The following STARD13 variants were observed in gnomAD, a reference collection of about 807,000 sequenced individuals.
STARD13 encodes the protein stAR-related lipid transfer protein 13.
A neutral mutation model predicts 106.4 loss-of-function variants in STARD13; 62 were observed. The ratio of observed to expected loss-of-function variants is 0.58; its 90% CI spans 0.48 to 0.72. STARD13 has a LOEUF of 0.72. STARD13 is among the 30% of genes least tolerant of loss of function. STARD13 has a pLI of 0.00. For synonymous variants in STARD13, 565 were observed against 553.0 expected (o/e 1.02, Z -0.31); for missense variants, 1,387 against 1,424.0 (o/e 0.97, Z 0.42).
At chr13:33,543,162 T>C in the STARD13 span, among the ~76,000 whole-genome samples, 1 of 152,338 alleles carries the variant, frequency 6.6e-6, no homozygotes, top group East Asian at 1.9e-4. Context: ...TTCTTTAATC[T>C]TTGAGGACTG....
At chr13:33,216,754 C>A (rs1293633128) in intron 1 of STARD13, among the ~76,000 whole-genome samples, 1 of 152,090 alleles carries the variant, frequency 6.6e-6, no homozygotes, top group Non-Finnish European at 1.5e-5. Context: ...TAACATTTGA[C>A]CATATGTATA....
At chr13:33,153,505 C>T (rs1387141679) in intron 3 of STARD13, among the ~76,000 whole-genome samples, 1 of 152,104 alleles carries the variant, frequency 6.6e-6, no homozygotes, top group South Asian at 2.1e-4. Flanking sequence ...AGCCTGTGTG[C>T]CCTGAGTATT....
At chr13:33,186,477 A>G (rs1885780591) in intron 1 of STARD13, among the ~76,000 whole-genome samples, 2 of 152,228 alleles carry the variant, frequency 1.3e-5, no homozygotes, top group South Asian at 4.1e-4. Flanking sequence ...GACCATAAAT[A>G]CAGTTTTAAA....
At chr13:33,398,215 T>C in the STARD13 span, among the ~76,000 whole-genome samples, 1 of 152,228 alleles carries the variant, frequency 6.6e-6, no homozygotes, top group Admixed American at 6.5e-5. Context: ...AGTCTTGCAG[T>C]CAGCCTTAGG....
At chr13:33,597,157 A>T in the STARD13 span, among the ~76,000 whole-genome samples, 1 of 152,212 alleles carries the variant, frequency 6.6e-6, no homozygotes, top group Non-Finnish European at 1.5e-5. Flanking sequence ...CATTCCCAAC[A>T]GTGTATGAAT....
chr13:33,524,398 T>A, the STARD13 span: 1 of 416,038 alleles, frequency 2.4e-6, no homozygotes, highest in Non-Finnish European at 3.8e-6. Flanking sequence ...TTAAAGAGGT[T>A]TTTTTCATAT....
the STARD13 span, among the ~76,000 whole-genome samples, chr13:33,615,385 A>C: frequency 6.6e-6 from 1 of 152,194 alleles, no homozygotes; most frequent in African/African-American, 2.4e-5. Flanking sequence ...GGAAAACTGG[A>C]CTGGACATAT....
the STARD13 span, among the ~76,000 whole-genome samples, chr13:33,588,531 T>C: frequency 1.1e-4 from 16 of 152,324 alleles, no homozygotes; most frequent in African/African-American, 3.8e-4. Context: ...GGGGATTATA[T>C]CTGCACCACT....
At chr13:33,349,074 AG>A (rs1424606731) in exon 2 of STARD13, 2 of 700,986 alleles carry the variant, frequency 2.9e-6, no homozygotes, top group African/African-American at 3.5e-5. Flanking sequence ...AGTTCAAGTA[AG>A]GAAAAAAGGG....
the STARD13 span, among the ~76,000 whole-genome samples, chr13:33,393,354 A>G: frequency 6.6e-6 from 1 of 152,220 alleles, no homozygotes; most frequent in Admixed American, 6.5e-5. Context: ...ATTGACTAGC[A>G]TAGCTAAAAA....
intron 1 of STARD13, chr13:33,205,931 C>T: frequency 1.0e-6 from 1 of 985,398 alleles, no homozygotes. Flanking sequence ...ACAGATGGTG[C>T]ATCTGTCACC....
At chr13:33,545,200 T>G in the STARD13 span, among the ~76,000 whole-genome samples, 1 of 152,168 alleles carries the variant, frequency 6.6e-6, no homozygotes, top group Non-Finnish European at 1.5e-5. Flanking sequence ...CCTCAGGTGA[T>G]CCACCCGCCT....
the STARD13 span, among the ~76,000 whole-genome samples, chr13:33,453,394 T>G: frequency 6.6e-6 from 1 of 152,238 alleles, no homozygotes; most frequent in African/African-American, 2.4e-5. Flanking sequence ...TTCCTTTCTC[T>G]GGCACCAGCT....
intron 1 of STARD13, among the ~76,000 whole-genome samples, chr13:33,309,012 C>G (rs1761553491): frequency 6.6e-6 from 1 of 152,224 alleles, no homozygotes; most frequent in Admixed American, 6.5e-5. Flanking sequence ...AGTAGGCTCT[C>G]TCATAAACTA....
At chr13:33,126,611 G>A (rs1245892567) in intron 6 of STARD13, among the ~76,000 whole-genome samples, 2 of 152,172 alleles carry the variant, frequency 1.3e-5, no homozygotes, top group Admixed American at 6.5e-5. Context: ...ATCTGGCTGG[G>A]GTTGGAGGAA....
At chr13:33,376,796 G>A in the STARD13 span, among the ~76,000 whole-genome samples, 1 of 152,214 alleles carries the variant, frequency 6.6e-6, no homozygotes, top group African/African-American at 2.4e-5. Context: ...TGAGGAGCCA[G>A]TAAGCCTGAG....
At chr13:33,121,365 G>C (rs1876268679) in intron 7 of STARD13, among the ~76,000 whole-genome samples, 1 of 151,986 alleles carries the variant, frequency 6.6e-6, no homozygotes, top group African/African-American at 2.4e-5. Context: ...TCAGGAGTTT[G>C]AGACCAGCCT....
At position 33,105,411 on chromosome 13, in the gene STARD13, G is replaced by T. The variant is rs147468196; in HGVS notation, c.*182C>A. The stretch of plus-strand genomic sequence containing the variant: ...GTAGGGATGTAGCCATCTCCAGGAA[G>T]GCTAAGAAAGTTCTTGGAAATTCTT... On this transcript the variant is annotated 3_prime_UTR_variant, in exon 14 of 14. Transcript: ENST00000336934. 6.3e-5 allele frequency: 36 copies of T among 566,982 alleles called. No individual in the cohort carries two copies. Among genetic ancestry groups the T allele is most frequent in the African/African-American group, 6.3e-4 (34 of 53,752 alleles). The allele number at this position is 566,982 out of a possible 1,614,324, so 35.1% of individuals were successfully genotyped here.
intron 1 of STARD13, among the ~76,000 whole-genome samples, chr13:33,184,148 C>T (rs1286819800): frequency 7.9e-5 from 12 of 152,168 alleles, no homozygotes; most frequent in Non-Finnish European, 1.0e-4. Context: ...CTTTCCTGAA[C>T]CCTTCTGATA....
Sources: allele counts gnomAD v4.1 joint callset (sites outside exome capture counted in the v4.1 genomes callset), GRCh38; gene constraint gnomAD v4.1.1; transcripts MANE v1.5; gene names NCBI Gene and HGNC (gene_info 2026-07-23, HGNC 2026-07-21).